Variants in MBNL2 observed in about 807,000 individuals in gnomAD.
MBNL2 encodes muscleblind-like protein 2.
MBNL2 carries 17 observed loss-of-function variants against 41.9 expected under a neutral mutation model. The observed-to-expected ratio is 0.41, with a 90% CI of 0.28 to 0.61. The LOEUF (loss-of-function observed/expected upper bound fraction) is 0.61. MBNL2 is among the 20% of genes least tolerant of loss of function. The probability of loss-of-function intolerance (pLI) is 0.35; values close to 1 mark genes in which losing one functional copy is unlikely to be tolerated. For missense variants in MBNL2, 336 were observed against 505.6 expected (o/e 0.66, Z 3.22); for synonymous variants, 195 against 182.9 (o/e 1.07, Z -0.53).
the MBNL2 span, among the ~76,000 whole-genome samples, chr13:97,202,481 T>C: frequency 6.6e-6 from 1 of 152,178 alleles, no homozygotes; most frequent in Non-Finnish European, 1.5e-5. Context: ...ATAATACACG[T>C]AAGTCCCTTA....
chr13:97,301,956 C>T (rs1042080778), intron 2 of MBNL2, among the ~76,000 whole-genome samples: 14 of 152,144 alleles, frequency 9.2e-5, no homozygotes, highest in African/African-American at 2.7e-4. Flanking sequence ...AGATTTCTTC[C>T]GGTTGGATAC....
intron 2 of MBNL2, among the ~76,000 whole-genome samples, chr13:97,279,138 C>T (rs180903898): frequency 1.3e-4 from 20 of 152,282 alleles, no homozygotes; most frequent in Admixed American, 3.3e-4. Context: ...AGCTGTTTAA[C>T]TTTATTTCAT....
At chr13:97,182,809 G>C in the MBNL2 span, among the ~76,000 whole-genome samples, 1 of 152,160 alleles carries the variant, frequency 6.6e-6, no homozygotes, top group East Asian at 1.9e-4. Flanking sequence ...TCCCTCCCAA[G>C]AGCATCTTGA....
At chr13:97,193,303 G>C in the MBNL2 span, among the ~76,000 whole-genome samples, 1 of 152,186 alleles carries the variant, frequency 6.6e-6, no homozygotes, top group South Asian at 2.1e-4. Flanking sequence ...GTTGGATTTT[G>C]GTTCTGCCAA....
chr13:97,271,822 A>G (rs1480955617), intron 1 of MBNL2, among the ~76,000 whole-genome samples: 2 of 152,164 alleles, frequency 1.3e-5, no homozygotes, highest in Non-Finnish European at 2.9e-5. Flanking sequence ...CCAGCCTATT[A>G]TTGATGGGCA....
At chr13:97,287,918 G>GTTTTTTTTTTTTTTT (rs11423615) in intron 2 of MBNL2, among the ~76,000 whole-genome samples, 9 of 124,620 alleles carry the variant, frequency 7.2e-5, no homozygotes, top group African/African-American at 3.1e-4. Flanking sequence ...CTAATTTTCT[G>GTTTTTTTTTTTTTTT]TTTTTTTTTT....
At position 97,361,287 on chromosome 13, in the gene MBNL2, G is replaced by A. The variant is rs2063372076; in HGVS notation, c.1012+3652G>A. Among the ~76,000 whole-genome samples the A allele has an allele frequency of 3.3e-5, 5 of 152,308 alleles. No individual in the cohort carries two copies. In the South Asian group the frequency reaches 1.0e-3, roughly 32 times the overall value. On this transcript the variant is annotated intron_variant, in intron 7 of 8. Transcript: ENST00000679496. Reference sequence around the variant, plus strand: ...AATTTGCCTAGGAGTTTGAAGAGAAGCAAGATTTTATCAGTGGGGGAAAAG... The same window carrying A: ...AATTTGCCTAGGAGTTTGAAGAGAAACAAGATTTTATCAGTGGGGGAAAAG...
At chr13:97,219,969 G>T (rs1054871459), upstream of MBNL2, among the ~76,000 whole-genome samples, 1 of 152,182 alleles carries the variant, frequency 6.6e-6, no homozygotes, top group African/African-American at 2.4e-5. Context: ...TAAATATTTA[G>T]GTGTTAAACC....
At chr13:97,369,966 T>G (rs993120314) in intron 8 of MBNL2, among the ~76,000 whole-genome samples, 2 of 152,122 alleles carry the variant, frequency 1.3e-5, no homozygotes, top group African/African-American at 4.8e-5. Context: ...ATAGTAATAA[T>G]ATTATTATTA....
chr13:97,261,465 T>G (rs1043724687), intron 1 of MBNL2, among the ~76,000 whole-genome samples: 2 of 152,202 alleles, frequency 1.3e-5, no homozygotes, highest in African/African-American at 4.8e-5. Flanking sequence ...TTTTAAATTG[T>G]CCCATCTCCA....
At chr13:97,142,198 C>A in the MBNL2 span, among the ~76,000 whole-genome samples, 1 of 152,080 alleles carries the variant, frequency 6.6e-6, no homozygotes, top group Non-Finnish European at 1.5e-5. Flanking sequence ...CTTATTTATT[C>A]TTAGCTGTAT....
the MBNL2 span, among the ~76,000 whole-genome samples, chr13:97,176,848 C>A: frequency 1.3e-5 from 2 of 152,128 alleles, no homozygotes; most frequent in Non-Finnish European, 2.9e-5. Context: ...TTTGCCACTA[C>A]TGCAATTGGA....
At chr13:97,241,235 A>G (rs902995320) in intron 1 of MBNL2, among the ~76,000 whole-genome samples, 3 of 151,960 alleles carry the variant, frequency 2.0e-5, no homozygotes, top group African/African-American at 7.2e-5. Flanking sequence ...TTTTTTCCCC[A>G]CTGAGAACCC....
chr13:97,270,260 G>T (rs901203655), intron 1 of MBNL2, among the ~76,000 whole-genome samples: 1 of 152,134 alleles, frequency 6.6e-6, no homozygotes, highest in Non-Finnish European at 1.5e-5. Flanking sequence ...AAGGAAGCAG[G>T]TGAGATCAAT....
intron 2 of MBNL2, among the ~76,000 whole-genome samples, chr13:97,284,784 C>T (rs934906762): frequency 6.6e-6 from 1 of 152,160 alleles, no homozygotes; most frequent in African/African-American, 2.4e-5. Context: ...GACAAACTGG[C>T]GTTCCATGAT....
At chr13:97,143,544 C>G in the MBNL2 span, among the ~76,000 whole-genome samples, 1 of 152,226 alleles carries the variant, frequency 6.6e-6, no homozygotes, top group Non-Finnish European at 1.5e-5. Flanking sequence ...GTCCCTGGTA[C>G]AGATGAAATG....
chr13:97,166,115 T>G, the MBNL2 span, among the ~76,000 whole-genome samples: 3 of 152,320 alleles, frequency 2.0e-5, no homozygotes, highest in African/African-American at 7.2e-5. Context: ...ATTGTATGAG[T>G]CTCTTTGGAA....
chr13:97,203,923 C>T, the MBNL2 span, among the ~76,000 whole-genome samples: 32 of 149,710 alleles, frequency 2.1e-4, no homozygotes, highest in African/African-American at 6.4e-4. Context: ...GATGGACGGA[C>T]GGATGAATGG....
intron 1 of MBNL2, among the ~76,000 whole-genome samples, chr13:97,241,049 A>G (rs184538937): frequency 6.6e-6 from 1 of 152,160 alleles, no homozygotes; most frequent in Non-Finnish European, 1.5e-5. Flanking sequence ...CACTCCCATT[A>G]TATCTGCCGT....
Sources: gnomAD v4.1 joint callset for allele counts (sites outside exome capture counted in the v4.1 genomes callset) on GRCh38, gnomAD v4.1.1 for gene constraint, MANE v1.5 for transcripts, NCBI Gene and HGNC (gene_info 2026-07-23, HGNC 2026-07-21) for gene names.